Variants in SYNDIG1 observed in about 807,000 individuals in gnomAD.
The protein encoded by SYNDIG1 is synapse differentiation-inducing gene protein 1.
A neutral mutation model predicts 19.4 loss-of-function variants in SYNDIG1; 9 were observed. The ratio of observed to expected loss-of-function variants is 0.46; its 90% CI spans 0.28 to 0.81. The LOEUF is 0.81. Among genes scored for constraint, SYNDIG1 ranks in the 30% least tolerant of loss-of-function variants. SYNDIG1 has a pLI of 0.12. For missense variants in SYNDIG1, 311 were observed against 343.3 expected (o/e 0.91, Z 0.74); for synonymous variants, 141 against 145.9 (o/e 0.97, Z 0.24).
intron 1 of SYNDIG1, among the ~76,000 whole-genome samples, chr20:24,537,849 G>T (rs1232943727): frequency 6.6e-6 from 1 of 152,036 alleles, no homozygotes; most frequent in Non-Finnish European, 1.5e-5. Flanking sequence ...GTCATCTGTG[G>T]TTCCTTGACA....
Position 24,584,881 on chromosome 20 carries a change from G to C in SYNDIG1, c.506G>C (p.Ser169Thr). The C allele has an allele frequency of 6.2e-7, 1 of 1,614,180 alleles. No individual in the cohort carries two copies. Among genetic ancestry groups the C allele is most frequent in the Non-Finnish European group, 8.5e-7 (1 of 1,180,042 alleles). The change falls in exon 3 of 4, where the codon AGT becomes ACT. Residue 169 changes from serine to threonine, a missense_variant. Coordinates refer to ENST00000376862, the MANE Select transcript of SYNDIG1 (RefSeq NM_024893.3). ...AGCGACTACTCAAGCGACACAGAGAGTGAGGACAATTTCCTCATGATGCCC... is the reference window on the plus strand; with the variant it reads ...AGCGACTACTCAAGCGACACAGAGACTGAGGACAATTTCCTCATGATGCCC... Reference protein sequence around the residue: ...LESDYSSDTESEDNFLMMPPR... With the variant: ...LESDYSSDTETEDNFLMMPPR...
intron 3 of SYNDIG1, among the ~76,000 whole-genome samples, chr20:24,646,191 T>C (rs1011474179): frequency 9.2e-5 from 14 of 152,172 alleles, no homozygotes; most frequent in Non-Finnish European, 1.6e-4. Context: ...GTTCCTCCAA[T>C]GCCTAGAGGA....
At chr20:24,636,606 C>T (rs1363233905) in intron 3 of SYNDIG1, among the ~76,000 whole-genome samples, 1 of 152,210 alleles carries the variant, frequency 6.6e-6, no homozygotes, top group East Asian at 1.9e-4. Flanking sequence ...ATGTTGTCTG[C>T]TCCTTACTGT....
intron 3 of SYNDIG1, among the ~76,000 whole-genome samples, chr20:24,608,690 G>A (rs2058800263): frequency 6.6e-6 from 1 of 152,120 alleles, no homozygotes. Flanking sequence ...CTTTCCTGTT[G>A]GTAAGCAAAA....
At chr20:24,546,249 A>C (rs1017388138) in intron 2 of SYNDIG1, among the ~76,000 whole-genome samples, 2 of 152,240 alleles carry the variant, frequency 1.3e-5, no homozygotes, top group Admixed American at 6.5e-5. Context: ...GTCATTGAAC[A>C]TGCAGTAGCT....
chr20:24,489,599 CACAG>C (rs2056088194), intron 1 of SYNDIG1, among the ~76,000 whole-genome samples: 1 of 152,192 alleles, frequency 6.6e-6, no homozygotes, highest in Non-Finnish European at 1.5e-5. Flanking sequence ...CATGACCACA[CACAG>C]ACACATACAT....
At chr20:24,517,841 T>C (rs2146519326) in intron 1 of SYNDIG1, among the ~76,000 whole-genome samples, 1 of 149,980 alleles carries the variant, frequency 6.7e-6, no homozygotes, top group South Asian at 2.1e-4. Context: ...AGTCTGGCTC[T>C]GTCACCCAGG....
intron 3 of SYNDIG1, among the ~76,000 whole-genome samples, chr20:24,645,465 T>C (rs1009462068): frequency 6.6e-6 from 1 of 152,198 alleles, no homozygotes; most frequent in African/African-American, 2.4e-5. Flanking sequence ...GCTGTGGCTG[T>C]GGCTCTCACT....
chr20:24,497,794 G>A (rs2056339765), intron 1 of SYNDIG1, among the ~76,000 whole-genome samples: 1 of 152,238 alleles, frequency 6.6e-6, no homozygotes, highest in Admixed American at 6.5e-5. Flanking sequence ...GAAGAGCAGA[G>A]CTTAGCTTAT....
intron 3 of SYNDIG1, among the ~76,000 whole-genome samples, chr20:24,659,979 T>C (rs1281382677): frequency 6.6e-6 from 1 of 152,216 alleles, no homozygotes; most frequent in East Asian, 1.9e-4. Flanking sequence ...GAAGTATCCA[T>C]GAACCTGTTT....
intron 1 of SYNDIG1, among the ~76,000 whole-genome samples, chr20:24,472,472 T>C (rs1014331815): frequency 6.6e-6 from 1 of 152,254 alleles, no homozygotes; most frequent in African/African-American, 2.4e-5. Context: ...TTTTAAATCG[T>C]ATTTTCTAGG....
chr20:24,663,654 G>A (rs2147413459), intron 3 of SYNDIG1, among the ~76,000 whole-genome samples: 1 of 152,322 alleles, frequency 6.6e-6, no homozygotes, highest in South Asian at 2.1e-4. Flanking sequence ...TGGGTACTCA[G>A]ATGTGTGAGC....
intron 1 of SYNDIG1, among the ~76,000 whole-genome samples, chr20:24,493,366 GCA>G (rs895063446): frequency 1.1e-4 from 16 of 152,054 alleles, no homozygotes; most frequent in Non-Finnish European, 2.4e-4. Context: ...AAACACGCAT[GCA>G]CACACACATG....
intron 1 of SYNDIG1, among the ~76,000 whole-genome samples, chr20:24,500,883 A>T (rs2056438098): frequency 6.6e-6 from 1 of 152,202 alleles, no homozygotes; most frequent in Admixed American, 6.5e-5. Context: ...TTATGATCTT[A>T]GGCTGACAAG....
At chr20:24,525,230 T>C (rs1288072962) in intron 1 of SYNDIG1, among the ~76,000 whole-genome samples, 2 of 151,812 alleles carry the variant, frequency 1.3e-5, no homozygotes, top group Admixed American at 6.6e-5. Context: ...ATTTGCATTG[T>C]GGCTAAAGAA....
chr20:24,523,815 A>G (rs1206783683), intron 1 of SYNDIG1, among the ~76,000 whole-genome samples: 5 of 152,280 alleles, frequency 3.3e-5, no homozygotes. Context: ...CCAGCTGTGC[A>G]TGCGCGCTGC....
chr20:24,532,338 T>C (rs900169398), intron 1 of SYNDIG1, among the ~76,000 whole-genome samples: 3 of 152,148 alleles, frequency 2.0e-5, no homozygotes, highest in African/African-American at 7.2e-5. Context: ...AAACACATCA[T>C]GCCAAGTGAA....
At chr20:24,633,097 G>A (rs2059268786) in intron 3 of SYNDIG1, among the ~76,000 whole-genome samples, 1 of 152,130 alleles carries the variant, frequency 6.6e-6, no homozygotes, top group Non-Finnish European at 1.5e-5. Context: ...GGCAGACCGT[G>A]TCGAATCTGA....
intron 2 of SYNDIG1, among the ~76,000 whole-genome samples, chr20:24,560,498 A>T (rs1286112123): frequency 1.3e-5 from 2 of 151,732 alleles, no homozygotes; most frequent in Non-Finnish European, 2.9e-5. Context: ...TTGTATGTTC[A>T]TTTCCATCCA....
Sources: allele counts gnomAD v4.1 joint callset (sites outside exome capture counted in the v4.1 genomes callset), GRCh38; gene constraint gnomAD v4.1.1; transcripts MANE v1.5; gene names NCBI Gene and HGNC (gene_info 2026-07-23, HGNC 2026-07-21).